The following PCGF3 variants were observed in gnomAD, a reference collection of about 807,000 sequenced individuals.
PCGF3 encodes polycomb group ring finger 3, also known as polycomb group RING finger protein 3.
Under a neutral mutation model 33.1 loss-of-function variants are expected in PCGF3, and 7 were observed. The ratio of observed to expected loss-of-function variants is 0.21; its 90% CI spans 0.12 to 0.40. The LOEUF is 0.40. Among genes scored for constraint, PCGF3 ranks in the 10% least tolerant of loss-of-function variants. PCGF3 has a pLI of 1.00. For synonymous variants in PCGF3, 153 were observed against 121.3 expected (o/e 1.26, Z -1.72); for missense variants, 211 against 313.3 (o/e 0.67, Z 2.46).
rs567373735 is a variant in PCGF3, at chr4:765,204, C to T, written c.681+140C>T. ...ATCCCAGCACTTTGGGAGGACGAGG[C>T]GGGCGGATCACGAGGTCAGGAGATC... On this transcript the variant is annotated intron_variant, in intron 10 of 10. Transcript: ENST00000362003. The T allele has an allele frequency of 1.0e-4, 62 of 601,652 alleles. No homozygotes were observed. In the East Asian group the frequency reaches 1.5e-3, roughly 14 times the overall value. The allele number at this position is 601,652 out of a possible 1,614,324, so 37.3% of individuals were successfully genotyped here.
intron 8 of PCGF3, among the ~76,000 whole-genome samples, chr4:749,894 T>C (rs1442487404): frequency 6.6e-6 from 1 of 152,252 alleles, no homozygotes; most frequent in Non-Finnish European, 1.5e-5. Flanking sequence ...CACAGCTCCC[T>C]GTACCCTCTG....
At chr4:715,608 G>A (rs796319751) in intron 1 of PCGF3, among the ~76,000 whole-genome samples, 1 of 64,170 alleles carries the variant, frequency 1.6e-5, no homozygotes, top group African/African-American at 5.4e-5. Flanking sequence ...ACTGGGTGTC[G>A]GTGCTGGGAC....
chr4:722,920 C>T (rs1254400572), intron 1 of PCGF3, among the ~76,000 whole-genome samples: 2 of 126,528 alleles, frequency 1.6e-5, no homozygotes, highest in Non-Finnish European at 3.3e-5. Flanking sequence ...CTCGCGTCAT[C>T]GCCATCCACG....
intron 6 of PCGF3, among the ~76,000 whole-genome samples, chr4:742,746 T>G (rs1396926788): frequency 6.6e-6 from 1 of 152,168 alleles, no homozygotes. Flanking sequence ...CTGCGGCCCG[T>G]CTGCCGCCGG....
exon 11 of PCGF3, chr4:768,498 G>A (rs1745478052): frequency 6.6e-6 from 1 of 151,780 alleles, no homozygotes; most frequent in Non-Finnish European, 1.5e-5. Context: ...AACAGATGGA[G>A]TTACTGTGAA....
intron 8 of PCGF3, 73 bp from the exon 9 acceptor site, chr4:761,206 A>T (rs569694664): frequency 7.7e-7 from 1 of 1,300,124 alleles, no homozygotes; most frequent in Non-Finnish European, 1.0e-6. Context: ...TTAGTGAAAT[A>T]TGTCTAAGGA....
intron 7 of PCGF3, 70 bp from the exon 8 acceptor site, chr4:744,530 A>AC: frequency 8.9e-7 from 1 of 1,126,594 alleles, no homozygotes. Flanking sequence ...CATTTGGAGT[A>AC]CAGTGTAGTT....
At chr4:723,311 G>T (rs1743195170) in intron 1 of PCGF3, among the ~76,000 whole-genome samples, 1 of 152,276 alleles carries the variant, frequency 6.6e-6, no homozygotes, top group East Asian at 1.9e-4. Flanking sequence ...GGAGAGGAGG[G>T]TGCATTTCGG....
At chr4:744,116 G>C (rs572996656) in intron 7 of PCGF3, among the ~76,000 whole-genome samples, 1 of 152,314 alleles carries the variant, frequency 6.6e-6, no homozygotes, top group South Asian at 2.1e-4. Context: ...ACGGCTTTGC[G>C]GGTCCCAGGA....
intron 5 of PCGF3, 39 bp downstream of exon 5, chr4:735,066 A>C (rs758887463): frequency 6.3e-7 from 1 of 1,592,912 alleles, no homozygotes; most frequent in Non-Finnish European, 8.6e-7. Flanking sequence ...ACGTGGGGTG[A>C]GTGCCCCTGG....
intron 8 of PCGF3, among the ~76,000 whole-genome samples, chr4:750,950 GT>G (rs1293772942): frequency 3.3e-5 from 5 of 151,970 alleles, no homozygotes; most frequent in Non-Finnish European, 7.3e-5. Flanking sequence ...CCTGTCATTT[GT>G]TTCAGCTGTG....
At chr4:723,205 G>A (rs1743191040) in intron 1 of PCGF3, among the ~76,000 whole-genome samples, 1 of 152,266 alleles carries the variant, frequency 6.6e-6, no homozygotes, top group African/African-American at 2.4e-5. Flanking sequence ...TGTCTGAAAA[G>A]TGTGGTGAGA....
chr4:722,056 G>T (rs776120857), intron 1 of PCGF3, among the ~76,000 whole-genome samples: 1 of 152,150 alleles, frequency 6.6e-6, no homozygotes, highest in South Asian at 2.1e-4. Flanking sequence ...AGCACATCGC[G>T]TAGTGCAGGA....
intron 8 of PCGF3, among the ~76,000 whole-genome samples, chr4:752,231 C>T (rs571854153): frequency 1.3e-5 from 2 of 152,184 alleles, no homozygotes; most frequent in South Asian, 4.2e-4. Flanking sequence ...CCTGGTCGTT[C>T]TTTCTCCTCT....
chr4:769,811 G>A (rs986563551), exon 11 of PCGF3: 3 of 152,720 alleles, frequency 2.0e-5, no homozygotes, highest in Non-Finnish European at 4.4e-5. Flanking sequence ...GGGGAAGACA[G>A]TGCAGCCACC....
At chr4:723,183 C>A (rs992377143) in intron 1 of PCGF3, among the ~76,000 whole-genome samples, 1 of 152,116 alleles carries the variant, frequency 6.6e-6, no homozygotes, top group African/African-American at 2.4e-5. Flanking sequence ...CATCGCCATC[C>A]GCGCGGGGAT....
intron 8 of PCGF3, among the ~76,000 whole-genome samples, 188 bp from the exon 9 acceptor site, chr4:761,091 C>A (rs1442584064): frequency 5.3e-5 from 8 of 152,184 alleles, no homozygotes; most frequent in Non-Finnish European, 8.8e-5. Flanking sequence ...GGCAAGCAGA[C>A]GATAAACAGG....
intron 1 of PCGF3, among the ~76,000 whole-genome samples, chr4:730,225 C>T (rs1743494117): frequency 6.6e-6 from 1 of 152,246 alleles, no homozygotes. Context: ...CTCTTGGCTG[C>T]GTCGTGGAGC....
At chr4:724,588 A>G (rs1042041557) in intron 1 of PCGF3, among the ~76,000 whole-genome samples, 1 of 152,224 alleles carries the variant, frequency 6.6e-6, no homozygotes, top group Non-Finnish European at 1.5e-5. Flanking sequence ...GCACTTTGGG[A>G]GGCCTAGGTG....
Sources: allele counts gnomAD v4.1 joint callset (sites outside exome capture counted in the v4.1 genomes callset), GRCh38; gene constraint gnomAD v4.1.1; transcripts MANE v1.5; gene names NCBI Gene and HGNC (gene_info 2026-07-23, HGNC 2026-07-21).